The following LRRN3 variants were observed in gnomAD, a reference collection of about 807,000 sequenced individuals.
LRRN3 encodes leucine rich repeat neuronal 3.
LRRN3 carries 15 observed loss-of-function variants against 40.1 expected under a neutral mutation model. The observed-to-expected ratio is 0.37, with a 90% confidence interval of 0.25 to 0.58. The LOEUF (loss-of-function observed/expected upper bound fraction) is 0.58. Ranked by LOEUF, LRRN3 falls within the 20% of genes least tolerant of loss-of-function variation. LRRN3 has a pLI of 0.72. For missense variants in LRRN3, 746 were observed against 837.7 expected (o/e 0.89, Z 1.35); for synonymous variants, 308 against 297.2 (o/e 1.04, Z -0.37).
chr7:111,094,418 T>A (rs1264820240), intron 1 of LRRN3, among the ~76,000 whole-genome samples: 1 of 152,066 alleles, frequency 6.6e-6, no homozygotes, highest in Non-Finnish European at 1.5e-5. Flanking sequence ...CTAAAATGAT[T>A]TAAAATAATG....
chr7:111,092,344 C>G (rs529398490), intron 1 of LRRN3, among the ~76,000 whole-genome samples: 2 of 152,292 alleles, frequency 1.3e-5, no homozygotes, highest in East Asian at 3.9e-4. Flanking sequence ...ATTGTTTGTT[C>G]TAACCAACTG....
chr7:111,092,576 A>T (rs996029642), intron 1 of LRRN3, among the ~76,000 whole-genome samples: 18 of 152,194 alleles, frequency 1.2e-4, no homozygotes, highest in Admixed American at 1.1e-3. Flanking sequence ...CTGGTACCAT[A>T]AATATTACTG....
chr7:111,122,452 G>T lies in LRRN3; in HGVS notation c.-321G>T. 1 of 216,808 alleles carries T rather than the reference G, an allele frequency of 4.6e-6. No individual in the cohort carries two copies. Among genetic ancestry groups the T allele is most frequent in the Non-Finnish European group, 9.0e-6 (1 of 110,704 alleles). 13.4% of individuals were successfully genotyped at this position (216,808 alleles called of 1,614,324 possible). Reference sequence around the variant, plus strand: ...ATTCCTGCAAATACTGAAGAAGCATGGGATTTAAATATTTTACTTCTAAAT... The same window carrying T: ...ATTCCTGCAAATACTGAAGAAGCATTGGATTTAAATATTTTACTTCTAAAT... On this transcript the variant is annotated 5_prime_UTR_variant, in exon 3 of 3. An upstream start codon of the reference 5' UTR is lost. Coordinates refer to ENST00000308478, the MANE Select transcript of LRRN3 (RefSeq NM_001099658.2).
intron 2 of LRRN3, among the ~76,000 whole-genome samples, chr7:111,119,431 T>C (rs967656465): frequency 6.6e-6 from 1 of 152,194 alleles, no homozygotes; most frequent in African/African-American, 2.4e-5. Context: ...ACCCAGTAAT[T>C]GGCATGTAGA....
intron 2 of LRRN3, among the ~76,000 whole-genome samples, chr7:111,103,082 CTAAT>C (rs993621401): frequency 5.3e-5 from 8 of 151,454 alleles, no homozygotes; most frequent in Non-Finnish European, 8.9e-5. Context: ...TATTTGTACT[CTAAT>C]TAGCATTTTG....
At chr7:111,108,155 AG>A (rs1798762177) in intron 2 of LRRN3, among the ~76,000 whole-genome samples, 1 of 152,282 alleles carries the variant, frequency 6.6e-6, no homozygotes, top group East Asian at 1.9e-4. Flanking sequence ...AAAACCTCAC[AG>A]ATTGTTGATG....
Position 111,124,053 on chromosome 7 carries a change from C to T in LRRN3, c.1281C>T (p.Ser427=). The T allele has an allele frequency of 6.2e-7, 1 of 1,614,056 alleles. No homozygotes were observed. Among genetic ancestry groups the T allele is most frequent in the Non-Finnish European group, 8.5e-7 (1 of 1,179,968 alleles). The stretch of plus-strand genomic sequence containing the variant: ...GTCTCCCTCTTATAGCTCCTGAGAG[C>T]TTTCCTTCTAATCTAAATGTAGAAG... ...EICLPLIAPE[S]FPSNLNVEAG... The change falls in exon 3 of 3, where the codon AGC becomes AGT. Residue 427 remains serine (S), a synonymous_variant. Transcript: ENST00000308478.
At chr7:111,114,464 A>G (rs214876) in intron 2 of LRRN3, among the ~76,000 whole-genome samples, 135,792 of 152,140 alleles carry the variant, frequency 0.89, 60,688 homozygotes, top group Non-Finnish European at 0.92. Flanking sequence ...TTGGCTGGGC[A>G]CAGTGACCCA....
At chr7:111,093,558 C>A (rs748678576) in intron 1 of LRRN3, among the ~76,000 whole-genome samples, 32 of 152,228 alleles carry the variant, frequency 2.1e-4, no homozygotes, top group Middle Eastern at 6.8e-3. Flanking sequence ...ATCTAACCCG[C>A]CTTATTTTAA....
intron 2 of LRRN3, among the ~76,000 whole-genome samples, chr7:111,114,941 G>A (rs1248466924): frequency 1.3e-5 from 2 of 152,028 alleles, no homozygotes; most frequent in African/African-American, 4.8e-5. Flanking sequence ...TTAAAGTGCT[G>A]GTAATTTTAC....
intron 1 of LRRN3, among the ~76,000 whole-genome samples, chr7:111,091,992 C>A (rs763859303): frequency 6.6e-6 from 1 of 152,126 alleles, no homozygotes; most frequent in Non-Finnish European, 1.5e-5. Flanking sequence ...AATCAACCCA[C>A]CAAATGGGGC....
intron 2 of LRRN3, among the ~76,000 whole-genome samples, chr7:111,115,481 C>T (rs1185085824): frequency 1.3e-5 from 2 of 151,848 alleles, no homozygotes; most frequent in African/African-American, 4.8e-5. Flanking sequence ...ATGACTACCC[C>T]AATATGAAAT....
intron 2 of LRRN3, among the ~76,000 whole-genome samples, chr7:111,118,660 T>C (rs1306693087): frequency 6.6e-6 from 1 of 152,092 alleles, no homozygotes; most frequent in African/African-American, 2.4e-5. Flanking sequence ...TATAAAGCAC[T>C]AAGAAGATAC....
intron 2 of LRRN3, among the ~76,000 whole-genome samples, chr7:111,114,666 G>A (rs575482480): frequency 6.6e-6 from 1 of 151,054 alleles, no homozygotes; most frequent in Admixed American, 6.6e-5. Context: ...AACCCAGGAG[G>A]TGGAGGGTGC....
At chr7:111,105,032 T>A (rs1350378614) in intron 2 of LRRN3, among the ~76,000 whole-genome samples, 1 of 151,854 alleles carries the variant, frequency 6.6e-6, no homozygotes, top group Non-Finnish European at 1.5e-5. Flanking sequence ...CAGAGAGGCA[T>A]GACCATAGAA....
chr7:111,102,536 A>T (rs1204576182), intron 2 of LRRN3, among the ~76,000 whole-genome samples: 1 of 151,500 alleles, frequency 6.6e-6, no homozygotes, highest in African/African-American at 2.4e-5. Context: ...GGAGTTTTGA[A>T]TTTTTGCCCT....
At chr7:111,102,945 A>G (rs1798137126) in intron 2 of LRRN3, among the ~76,000 whole-genome samples, 1 of 151,504 alleles carries the variant, frequency 6.6e-6, no homozygotes, top group African/African-American at 2.4e-5. Flanking sequence ...AAGACCATAT[A>G]GTATAGGACA....
intron 2 of LRRN3, among the ~76,000 whole-genome samples, chr7:111,113,229 C>T (rs1799452464): frequency 6.6e-6 from 1 of 152,190 alleles, no homozygotes; most frequent in South Asian, 2.1e-4. Context: ...TCTTTACAAA[C>T]CAGTGACTTT....
intron 2 of LRRN3, among the ~76,000 whole-genome samples, chr7:111,101,825 T>C (rs1798013167): frequency 6.6e-6 from 1 of 151,396 alleles, no homozygotes; most frequent in African/African-American, 2.4e-5. Context: ...ATAGTTCCTA[T>C]CTCTACTGCC....
Sources: gnomAD v4.1 joint callset for allele counts (sites outside exome capture counted in the v4.1 genomes callset) on GRCh38, gnomAD v4.1.1 for gene constraint, MANE v1.5 for transcripts, NCBI Gene and HGNC (gene_info 2026-07-23, HGNC 2026-07-21) for gene names.